The following DHRS2 variants were observed in gnomAD, a reference collection of about 807,000 sequenced individuals.
DHRS2 encodes the protein dehydrogenase/reductase 2.
DHRS2 carries 29 observed loss-of-function variants against 26.3 expected under a neutral mutation model. The observed-to-expected ratio is 1.10, with a 90% CI of 0.82 to 1.50. The LOEUF is 1.50. DHRS2 is among the 40% of genes most tolerant of loss of function. The pLI is 0.00. For synonymous variants in DHRS2, 164 were observed against 151.3 expected, an observed-to-expected ratio of 1.08 and a Z score of -0.62; for missense variants, 439 against 367.1, an observed-to-expected ratio of 1.20 and a Z score of -1.60.
intron 4 of DHRS2, chr14:23,641,736 C>G: frequency 7.8e-7 from 1 of 1,289,682 alleles, no homozygotes; most frequent in Non-Finnish European, 1.0e-6. Context: ...ATCCCCCACA[C>G]TGGTAACCTG....
At chr14:23,638,743 G>T in intron 1 of DHRS2, 84 bp from the exon 2 acceptor site, 11 of 1,402,936 alleles carry the variant, frequency 7.8e-6, no homozygotes, top group Admixed American at 2.2e-5. Context: ...TGCTGGCCTT[G>T]TCTGTCTGGA....
intron 4 of DHRS2, chr14:23,640,611 C>A: frequency 4.6e-6 from 1 of 215,730 alleles, no homozygotes; most frequent in Non-Finnish European, 7.9e-6. Context: ...ATTCTTTCTG[C>A]TATTGTGAGC....
chr14:23,645,272 C>CG lies in DHRS2; in HGVS notation c.*20dup, dbSNP rs759542384. The stretch of plus-strand genomic sequence containing the variant: ...GCTCTGAGAGGAGTGGGGGCGGCTG[C>CG]GTAGCTGTGGTCCCAGGCCCAGGAG... On this transcript the variant is annotated 3_prime_UTR_variant, in exon 9 of 9. Coordinates refer to ENST00000250383, the MANE Select transcript of DHRS2 (RefSeq NM_005794.4). The CG allele has an allele frequency of 2.5e-6, 4 of 1,613,760 alleles. No homozygotes were observed. In the African/African-American group the frequency reaches 4.0e-5, roughly 16 times the overall value.
intron 4 of DHRS2, chr14:23,641,400 C>T (rs752636055): frequency 3.4e-6 from 1 of 297,894 alleles, no homozygotes; most frequent in Non-Finnish European, 6.4e-6. Context: ...CTTTCAGGCT[C>T]ATGGATAGTT....
At chr14:23,630,744 C>A (rs1005633121) in intron 1 of DHRS2, among the ~76,000 whole-genome samples, 33 of 152,262 alleles carry the variant, frequency 2.2e-4, no homozygotes, top group African/African-American at 7.5e-4. Flanking sequence ...AGACACAAAT[C>A]AATACATGTA....
At chr14:23,639,043 G>C in intron 2 of DHRS2, 39 bp downstream of exon 2, 1 of 1,602,100 alleles carries the variant, frequency 6.2e-7, no homozygotes, top group Non-Finnish European at 8.5e-7. Context: ...GCCCCTCACA[G>C]GGTCCTTGTG....
Position 23,636,684 on chromosome 14 carries a change from C to G in DHRS2, c.-127C>G, listed in dbSNP as rs1440397595. ...CTTTGAAGAGACTGTCACCTATCAC[C>G]AAGTGGTGAGACTATTGCCAAGCAG... On this transcript the variant is annotated 5_prime_UTR_variant, in exon 1 of 9. Transcript: ENST00000250383. 1 of 152,212 alleles carries G rather than the reference C, an allele frequency of 6.6e-6. No homozygotes were observed. Among genetic ancestry groups the G allele is most frequent in the East Asian group, 1.9e-4 (1 of 5,178 alleles). The allele number at this position is 152,212 out of a possible 1,614,324, so 9.4% of individuals were successfully genotyped here. A position where few individuals can be genotyped will look rare whatever the true frequency, so the allele number is the denominator to read the frequency against.
chr14:23,638,942 C>A lies in DHRS2; in HGVS notation c.78C>A (p.Thr26=), dbSNP rs142650346. ...CARLSVRMSS[T]GIDRKGVLAN... ...GGCTTTCTGTGAGGATGAGCAGCAC[C>A]GGGATAGACAGGAAGGGCGTCCTGG... The change falls in exon 2 of 9, where the codon ACC becomes ACA. Residue 26 remains threonine, a synonymous_variant. Transcript: ENST00000250383. The A allele has an allele frequency of 6.6e-4, 1,060 of 1,614,104 alleles. 5 individuals carry two copies. In the African/African-American group the frequency reaches 0.013, roughly 19 times the overall value.
At position 23,637,493 on chromosome 14, in the gene DHRS2, G is replaced by C. The variant is rs144752858; in HGVS notation, c.-39+721G>C. Among the ~76,000 whole-genome samples the C allele has an allele frequency of 1.5e-3, 235 of 152,262 alleles. 2 individuals are homozygous for C. Among genetic ancestry groups the C allele is most frequent in the African/African-American group, 5.4e-3 (224 of 41,560 alleles). On this transcript the variant is annotated intron_variant, in intron 1 of 8. Transcript: ENST00000250383. ...CTATTCATATAAGTGAGGACAAAAGGTGTCACTTTTCCAACCCTGGAGACC... is the reference window on the plus strand; with the variant it reads ...CTATTCATATAAGTGAGGACAAAAGCTGTCACTTTTCCAACCCTGGAGACC...
At chr14:23,640,537 T>C in intron 4 of DHRS2, 1 of 639,756 alleles carries the variant, frequency 1.6e-6, no homozygotes, top group Non-Finnish European at 1.9e-6. Flanking sequence ...CAGTGACTTC[T>C]GTTCCCTTCA....
rs1175171342 is a variant in DHRS2 at position 23,645,470 on chromosome 14, G to A, written c.*217G>A. 6 of 935,456 alleles carry A rather than the reference G, an allele frequency of 6.4e-6. No individual in the cohort carries two copies. The highest frequency in any genetic ancestry group is 9.3e-6 in the Non-Finnish European group (6 of 645,396). The allele number at this position is 935,456 out of a possible 1,614,324, so 57.9% of individuals were successfully genotyped here. On this transcript the variant is annotated 3_prime_UTR_variant, in exon 9 of 9. Coordinates refer to ENST00000250383, the MANE Select transcript of DHRS2 (RefSeq NM_005794.4). ...TTGGCTGATCCAATTAACATGTGGGGTTCTTGGTGTGGGTCTGGGGAGCTG... is the reference window on the plus strand; with the variant it reads ...TTGGCTGATCCAATTAACATGTGGGATTCTTGGTGTGGGTCTGGGGAGCTG...
rs371863286 is a variant in DHRS2 at position 23,643,132 on chromosome 14, A to C, written c.421-20A>C. On this transcript the variant is annotated intron_variant, in intron 4 of 8. Transcript: ENST00000250383. ...TGACCATGTCTCTCTGCCCTCACCC[A>C]TGCTCTGCTCTGATTTCAGATCCTA... 9.3e-6 allele frequency: 15 copies of C among 1,613,698 alleles called. No homozygotes were observed. Among genetic ancestry groups the C allele is most frequent in the Non-Finnish European group, 1.3e-5 (15 of 1,179,802 alleles).
chr14:23,630,782 G>A (rs61977728), intron 1 of DHRS2, among the ~76,000 whole-genome samples: 2 of 152,176 alleles, frequency 1.3e-5, no homozygotes, highest in Admixed American at 1.3e-4. Flanking sequence ...GCCCAGAAAG[G>A]CAGGACATCT....
rs761000848 is a variant in DHRS2 at position 23,644,853 on chromosome 14, G to A, written c.702G>A (p.Lys234=). 1 of 1,614,088 alleles carries A rather than the reference G, an allele frequency of 6.2e-7. No individual in the cohort carries two copies. Among genetic ancestry groups the A allele is most frequent in the Admixed American group, 1.7e-5 (1 of 60,006 alleles). The change falls in exon 8 of 9, where the codon AAG becomes AAA. Residue 234 remains lysine, a synonymous_variant. Coordinates refer to ENST00000250383, the MANE Select transcript of DHRS2 (RefSeq NM_005794.4). ...TTCATGGGAATGAGTCTCTCTGGAA[G>A]AACTTCAAGGAACATCATCAGCTGC... ...KVFHGNESLW[K]NFKEHHQLQR...
upstream of DHRS2, among the ~76,000 whole-genome samples, chr14:23,632,163 C>T (rs1394676760): frequency 2.6e-5 from 4 of 152,186 alleles, no homozygotes; most frequent in Non-Finnish European, 5.9e-5. Flanking sequence ...CCTCTTTTTC[C>T]TGCTGTCCTC....
upstream of DHRS2, among the ~76,000 whole-genome samples, chr14:23,633,311 A>G (rs1890174116): frequency 6.6e-6 from 1 of 152,188 alleles, no homozygotes; most frequent in African/African-American, 2.4e-5. Flanking sequence ...CTCCACGGAC[A>G]TCCCTTCAGA....
intron 4 of DHRS2, chr14:23,640,529 G>A: frequency 1.4e-6 from 1 of 725,604 alleles, no homozygotes; most frequent in Non-Finnish European, 1.7e-6. Flanking sequence ...TTGTTCCCCA[G>A]TGACTTCTGT....
chr14:23,641,760 C>T, intron 4 of DHRS2: 1 of 1,289,210 alleles, frequency 7.8e-7, no homozygotes, highest in Non-Finnish European at 1.0e-6. Context: ...TCAAATGGGC[C>T]ACAGCAACAT....
chr14:23,642,030 G>T lies in DHRS2; in HGVS notation c.421-1122G>T, dbSNP rs752435200. 8.3e-5 allele frequency: 92 copies of T among 1,102,498 alleles called. 1 individual carries two copies. In the Middle Eastern group the frequency reaches 2.5e-3, roughly 30 times the overall value. 68.3% of individuals were successfully genotyped at this position (1,102,498 alleles called of 1,614,324 possible). ...CTACTTCCTCTTTCACTTCTCCCCC[G>T]TTCCCAGACCCACCAGACAGAGCTT... On this transcript the variant is annotated intron_variant, in intron 4 of 8. Transcript: ENST00000250383.
Sources: gnomAD v4.1 joint callset for allele counts (sites outside exome capture counted in the v4.1 genomes callset) on GRCh38, gnomAD v4.1.1 for gene constraint, MANE v1.5 for transcripts, NCBI Gene and HGNC (gene_info 2026-07-23, HGNC 2026-07-21) for gene names.